DNAJC7: variants seen among roughly 807,000 people sequenced by gnomAD.
DNAJC7 encodes the protein dnaJ homolog subfamily C member 7.
In DNAJC7, 18 loss-of-function variants were observed where a neutral mutation model predicts 67.4. That is an observed-to-expected ratio of 0.27 (90% CI 0.18 to 0.40). The LOEUF (loss-of-function observed/expected upper bound fraction) is 0.40, where lower values mean the gene tolerates loss of function less well. DNAJC7 is among the 10% of genes least tolerant of loss of function. DNAJC7 has a pLI of 1.00. For missense variants in DNAJC7, 419 were observed against 613.8 expected (o/e 0.68, Z 3.35); for synonymous variants, 220 against 207.8 (o/e 1.06, Z -0.50).
At chr17:42,006,472 C>A (rs1246164361) in intron 1 of DNAJC7, among the ~76,000 whole-genome samples, 1 of 151,740 alleles carries the variant, frequency 6.6e-6, no homozygotes, top group Non-Finnish European at 1.5e-5. Flanking sequence ...GTTCCTGCAG[C>A]CTGGGTGACA....
intron 8 of DNAJC7, 52 bp from the exon 9 acceptor site, chr17:41,987,962 C>T: frequency 6.7e-7 from 1 of 1,497,726 alleles, no homozygotes; most frequent in Non-Finnish European, 9.2e-7. Context: ...ACTGAGGGAG[C>T]CCAGAAGCTG....
At chr17:41,990,576 T>C (rs2051488515) in intron 5 of DNAJC7, among the ~76,000 whole-genome samples, 194 bp from the exon 6 acceptor site, 2 of 152,108 alleles carry the variant, frequency 1.3e-5, no homozygotes, top group Admixed American at 6.5e-5. Flanking sequence ...AGGCTCCAGA[T>C]GATAATGAGG....
chr17:42,012,021 G>T (rs2052131779), intron 1 of DNAJC7, among the ~76,000 whole-genome samples: 1 of 152,218 alleles, frequency 6.6e-6, no homozygotes, highest in African/African-American at 2.4e-5. Context: ...AATAAGAATT[G>T]CTCTTATTTG....
At chr17:41,980,142 C>T (rs746491976) in intron 12 of DNAJC7, among the ~76,000 whole-genome samples, 18 of 149,728 alleles carry the variant, frequency 1.2e-4, no homozygotes, top group South Asian at 2.1e-4. Context: ...CTCCGCCTCC[C>T]GAGTTCAAGC....
chr17:41,990,229 T>C, intron 6 of DNAJC7, 35 bp downstream of exon 6: 3 of 1,557,486 alleles, frequency 1.9e-6, no homozygotes, highest in Non-Finnish European at 1.7e-6. Context: ...CAATGGTATC[T>C]GGCATTTTAA....
chr17:42,002,283 C>T (rs1474651367), intron 1 of DNAJC7, among the ~76,000 whole-genome samples: 4 of 152,196 alleles, frequency 2.6e-5, no homozygotes, highest in African/African-American at 9.7e-5. Flanking sequence ...GATCTAGCCT[C>T]TTCTTCAGTT....
chr17:41,984,474 T>G (rs1598120554), intron 9 of DNAJC7: 1 of 152,238 alleles, frequency 6.6e-6, no homozygotes, highest in African/African-American at 2.4e-5. Flanking sequence ...CAGCTAATTT[T>G]TTATTTTTTT....
At chr17:41,988,595 G>C (rs2051438605) in intron 8 of DNAJC7, 137 bp downstream of exon 8, 1 of 1,063,802 alleles carries the variant, frequency 9.4e-7, no homozygotes, top group Non-Finnish European at 1.3e-6. Flanking sequence ...TCTTGGAAGG[G>C]AGTTCCTAAC....
chr17:41,977,105 C>T, intron 13 of DNAJC7, 156 bp downstream of exon 13: 1 of 798,854 alleles, frequency 1.3e-6, no homozygotes, highest in East Asian at 2.7e-5. Context: ...TTCCTGTCTT[C>T]ATCCTTAGCA....
At chr17:41,980,388 T>G (rs1464637830) in intron 12 of DNAJC7, among the ~76,000 whole-genome samples, 1 of 150,860 alleles carries the variant, frequency 6.6e-6, no homozygotes, top group African/African-American at 2.4e-5. Context: ...CTGACTGAAT[T>G]AATTAATTAA....
At chr17:41,986,146 A>G (rs1555646791) in intron 9 of DNAJC7, 1 of 149,836 alleles carries the variant, frequency 6.7e-6, no homozygotes, top group East Asian at 2.0e-4. Context: ...CAGGCAGATC[A>G]CTTGTCATCA....
chr17:41,980,439 A>T (rs946917434), intron 12 of DNAJC7, among the ~76,000 whole-genome samples: 4 of 151,746 alleles, frequency 2.6e-5, no homozygotes, highest in Middle Eastern at 3.2e-3. Context: ...AAGCTGGAGT[A>T]CAGTGGCGCA....
At chr17:41,980,949 G>C (rs782008981) in intron 12 of DNAJC7, among the ~76,000 whole-genome samples, 1 of 151,992 alleles carries the variant, frequency 6.6e-6, no homozygotes, top group Non-Finnish European at 1.5e-5. Context: ...GCTACTTGCC[G>C]GCCTTCCACC....
chr17:41,990,462 C>T, intron 5 of DNAJC7, 80 bp from the exon 6 acceptor site: 1 of 1,254,688 alleles, frequency 8.0e-7, no homozygotes, highest in Non-Finnish European at 1.1e-6. Context: ...TCACAGGTAA[C>T]AGACTCAAAA....
At chr17:42,014,635 A>C (rs1220094350) in intron 1 of DNAJC7, 1 of 148,918 alleles carries the variant, frequency 6.7e-6, no homozygotes, top group Non-Finnish European at 1.5e-5. Flanking sequence ...CTTGTTGCCC[A>C]GGCTGGAGTG....
In DNAJC7 at chr17:41,989,612, T is replaced by C. The variant is rs551905449; in HGVS notation, c.600-55A>G. 170 of 1,590,382 alleles carry C rather than the reference T, an allele frequency of 1.1e-4. 2 individuals are homozygous for C. In the African/African-American group the frequency reaches 1.3e-3, roughly 12 times the overall value. On this transcript the variant is annotated intron_variant, in intron 6 of 13. Coordinates refer to ENST00000457167, the MANE Select transcript of DNAJC7 (RefSeq NM_003315.4). Reference sequence around the variant, plus strand: ...CTGTGCTTTAGAATGTCCCCACCATTACTACCATTTGTGGCCAGTTTTCCT... The same window carrying C: ...CTGTGCTTTAGAATGTCCCCACCATCACTACCATTTGTGGCCAGTTTTCCT...
At chr17:42,017,171 C>G in intron 1 of DNAJC7, 169 bp downstream of exon 1, 1 of 1,525,810 alleles carries the variant, frequency 6.6e-7, no homozygotes. Context: ...AGGCCGACCC[C>G]CAAGAGCGCC....
At chr17:42,016,944 T>G in intron 1 of DNAJC7, 1 of 1,168,360 alleles carries the variant, frequency 8.6e-7, no homozygotes, top group Non-Finnish European at 1.1e-6. Flanking sequence ...AGACGGAAAG[T>G]GCAGACAGGC....
intron 12 of DNAJC7, among the ~76,000 whole-genome samples, chr17:41,978,721 T>A (rs2051159355): frequency 1.3e-5 from 2 of 151,760 alleles, no homozygotes; most frequent in South Asian, 2.1e-4. Context: ...AAAAATAAAA[T>A]AAAATAAAAT....
Sources: gnomAD v4.1 joint callset for allele counts (sites outside exome capture counted in the v4.1 genomes callset) on GRCh38, gnomAD v4.1.1 for gene constraint, MANE v1.5 for transcripts, NCBI Gene and HGNC (gene_info 2026-07-23, HGNC 2026-07-21) for gene names.